Variants in TGFBR3 observed in about 807,000 individuals in gnomAD.
TGFBR3 encodes the protein transforming growth factor beta receptor 3, also known as transforming growth factor beta receptor type 3.
A neutral mutation model predicts 87.9 loss-of-function variants in TGFBR3; 46 were observed. The ratio of observed to expected loss-of-function variants is 0.52; its 90% CI spans 0.41 to 0.67. TGFBR3 has a LOEUF of 0.67. Ranked by LOEUF, TGFBR3 falls within the 30% of genes least tolerant of loss-of-function variation. TGFBR3 has a pLI of 0.00. For missense variants in TGFBR3, 866 were observed against 1,041.9 expected (o/e 0.83, Z 2.32); for synonymous variants, 381 against 391.6 (o/e 0.97, Z 0.32).
chr1:91,884,527 A>ATGCACACAAATCTATG (rs1679218469), intron 1 of TGFBR3, among the ~76,000 whole-genome samples: 1 of 152,202 alleles, frequency 6.6e-6, no homozygotes, highest in African/African-American at 2.4e-5. Context: ...TGCATGGACT[A>ATGCACACAAATCTATG]TGCACACAAA....
At chr1:91,760,976 T>C (rs555735764) in intron 3 of TGFBR3, among the ~76,000 whole-genome samples, 1 of 152,348 alleles carries the variant, frequency 6.6e-6, no homozygotes, top group African/African-American at 2.4e-5. Context: ...CTTTCACTAA[T>C]AGCATGTATC....
At chr1:91,902,651 C>G (rs1679757831) in intron 1 of TGFBR3, among the ~76,000 whole-genome samples, 1 of 150,888 alleles carries the variant, frequency 6.6e-6, no homozygotes, top group Non-Finnish European at 1.5e-5. Context: ...TCTCTGAACA[C>G]CCAGAACACA....
intron 1 of TGFBR3, among the ~76,000 whole-genome samples, chr1:91,880,200 T>C (rs1679017173): frequency 6.6e-6 from 1 of 152,216 alleles, no homozygotes; most frequent in Admixed American, 6.5e-5. Flanking sequence ...CTAGTGGCAA[T>C]ACAAGACTGC....
At chr1:91,748,282 G>C (rs1425443633) in intron 4 of TGFBR3, among the ~76,000 whole-genome samples, 1 of 152,100 alleles carries the variant, frequency 6.6e-6, no homozygotes, top group Admixed American at 6.5e-5. Context: ...TGGTCTCCTA[G>C]GTCAAAGCAA....
chr1:91,877,132 C>A (rs1458475151), intron 1 of TGFBR3, among the ~76,000 whole-genome samples: 3 of 152,090 alleles, frequency 2.0e-5, no homozygotes, highest in Non-Finnish European at 4.4e-5. Flanking sequence ...ACACGTAAAT[C>A]CCCTATTATT....
At chr1:91,708,809 G>A in intron 13 of TGFBR3, 26 bp from the exon 14 acceptor site, 1 of 1,612,704 alleles carries the variant, frequency 6.2e-7, no homozygotes, top group Non-Finnish European at 8.5e-7. Flanking sequence ...ACAAAGCACA[G>A]AATCAGGGGC....
At chr1:91,874,941 T>C (rs1678724625) in intron 1 of TGFBR3, among the ~76,000 whole-genome samples, 1 of 152,168 alleles carries the variant, frequency 6.6e-6, no homozygotes, top group Non-Finnish European at 1.5e-5. Context: ...TTAAGGAAGA[T>C]TATTCTAAGC....
intron 1 of TGFBR3, among the ~76,000 whole-genome samples, chr1:91,905,382 A>G (rs11466551): frequency 1.7e-3 from 259 of 152,288 alleles, no homozygotes; most frequent in Non-Finnish European, 2.8e-3. Flanking sequence ...TCCAAAAGAG[A>G]TTGTGATAAG....
chr1:91,827,615 T>G (rs1203410603), intron 2 of TGFBR3, among the ~76,000 whole-genome samples: 1 of 152,140 alleles, frequency 6.6e-6, no homozygotes, highest in African/African-American at 2.4e-5. Flanking sequence ...GCACGCCGCA[T>G]GAGATAATTC....
chr1:91,856,450 T>C (rs1375300553), intron 2 of TGFBR3, among the ~76,000 whole-genome samples: 3 of 147,438 alleles, frequency 2.0e-5, no homozygotes, highest in Admixed American at 1.3e-4. Flanking sequence ...CTTCATTCAC[T>C]CTCTATCACA....
At chr1:91,902,271 T>TTTTG (rs534984244) in intron 1 of TGFBR3, among the ~76,000 whole-genome samples, 146 of 148,352 alleles carry the variant, frequency 9.8e-4, no homozygotes, top group African/African-American at 3.4e-3. Flanking sequence ...TCCTTTTCTT[T>TTTTG]TGTGTGTGTG....
At chr1:91,802,612 T>C (rs977772112) in intron 2 of TGFBR3, among the ~76,000 whole-genome samples, 18 of 152,100 alleles carry the variant, frequency 1.2e-4, no homozygotes, top group Non-Finnish European at 2.6e-4. Context: ...CCACCTGCGT[T>C]GGCCTCCTGA....
chr1:91,690,236 A>G (rs1671221820), intron 16 of TGFBR3, among the ~76,000 whole-genome samples: 1 of 152,132 alleles, frequency 6.6e-6, no homozygotes. Context: ...TGAGAAGCAG[A>G]ATAGTTCTCT....
intron 16 of TGFBR3, among the ~76,000 whole-genome samples, chr1:91,692,911 T>C (rs938687865): frequency 2.0e-5 from 3 of 152,338 alleles, no homozygotes; most frequent in Non-Finnish European, 4.4e-5. Context: ...AAATTAAGGA[T>C]TGTTTTTCAC....
chr1:91,825,297 C>T (rs1287849984), intron 2 of TGFBR3, among the ~76,000 whole-genome samples: 2 of 152,196 alleles, frequency 1.3e-5, no homozygotes, highest in African/African-American at 2.4e-5. Flanking sequence ...CAAAATATTA[C>T]TTGGCCATAA....
chr1:91,833,129 T>C (rs1261389000), intron 2 of TGFBR3, among the ~76,000 whole-genome samples: 1 of 150,662 alleles, frequency 6.6e-6, no homozygotes, highest in South Asian at 2.1e-4. Flanking sequence ...ACCCCGTCTC[T>C]ACTAAAAATA....
chr1:91,770,642 T>C (rs762461789), intron 3 of TGFBR3, among the ~76,000 whole-genome samples: 1 of 152,178 alleles, frequency 6.6e-6, no homozygotes. Context: ...TCTTACAATA[T>C]CCTCAAAAAT....
At chr1:91,789,654 A>G (rs1206507534) in intron 3 of TGFBR3, among the ~76,000 whole-genome samples, 1 of 152,098 alleles carries the variant, frequency 6.6e-6, no homozygotes, top group Admixed American at 6.5e-5. Context: ...ACTTTTTCTA[A>G]AAGTCCAAGA....
chr1:91,717,854 TTCTC>T (rs1672226324), intron 10 of TGFBR3, among the ~76,000 whole-genome samples: 1 of 149,860 alleles, frequency 6.7e-6, no homozygotes, highest in African/African-American at 2.5e-5. Flanking sequence ...TTACATGCCT[TTCTC>T]TCCTGAAGCA....
Sources: allele counts gnomAD v4.1 joint callset (sites outside exome capture counted in the v4.1 genomes callset), GRCh38; gene constraint gnomAD v4.1.1; transcripts MANE v1.5; gene names NCBI Gene and HGNC (gene_info 2026-07-23, HGNC 2026-07-21).